The following CCNYL1 variants were observed in gnomAD, a reference collection of about 807,000 sequenced individuals.
CCNYL1 encodes cyclin Y like 1, also known as cyclin-Y-like protein 1.
In CCNYL1, 16 loss-of-function variants were observed where a neutral mutation model predicts 44.2. The observed-to-expected ratio is 0.36, with a 90% confidence interval of 0.25 to 0.55. The LOEUF (loss-of-function observed/expected upper bound fraction) is 0.55. CCNYL1 is among the 20% of genes least tolerant of loss of function. The pLI, the probability that CCNYL1 is intolerant of heterozygous loss-of-function variation, is 0.85. For missense variants in CCNYL1, 348 were observed against 451.8 expected, an observed-to-expected ratio of 0.77 and a Z score of 2.08; for synonymous variants, 159 against 163.2, an observed-to-expected ratio of 0.97 and a Z score of 0.20.
At chr2:207,752,368 C>G (rs549309181) in intron 9 of CCNYL1, among the ~76,000 whole-genome samples, 21 of 151,866 alleles carry the variant, frequency 1.4e-4, no homozygotes, top group African/African-American at 4.8e-4. Flanking sequence ...ACAGAGAAAC[C>G]CGGTCTCTAC....
chr2:207,715,987 A>G (rs551908527), intron 1 of CCNYL1, among the ~76,000 whole-genome samples: 1 of 152,262 alleles, frequency 6.6e-6, no homozygotes, highest in Admixed American at 6.5e-5. Flanking sequence ...CGTCAAGCTA[A>G]GAGATGCTCC....
intron 8 of CCNYL1, among the ~76,000 whole-genome samples, chr2:207,750,361 C>T (rs1012324334): frequency 8.5e-5 from 13 of 152,106 alleles, no homozygotes; most frequent in African/African-American, 2.9e-4. Flanking sequence ...CCTCATGCGC[C>T]GGGACAGGGG....
intron 7 of CCNYL1, among the ~76,000 whole-genome samples, chr2:207,744,560 G>A (rs907320511): frequency 6.7e-6 from 1 of 150,222 alleles, no homozygotes; most frequent in Non-Finnish European, 1.5e-5. Flanking sequence ...AGTAGAGACC[G>A]GGCTTCGCCA....
At chr2:207,750,348 T>C (rs1002358669) in intron 8 of CCNYL1, among the ~76,000 whole-genome samples, 1 of 152,174 alleles carries the variant, frequency 6.6e-6, no homozygotes, top group Non-Finnish European at 1.5e-5. Flanking sequence ...CCCTTTGACA[T>C]AGCCTCATGC....
intron 3 of CCNYL1, among the ~76,000 whole-genome samples, chr2:207,728,013 G>A (rs1415039229): frequency 1.3e-5 from 2 of 150,768 alleles, no homozygotes; most frequent in Non-Finnish European, 2.9e-5. Flanking sequence ...CCCCAGGCTG[G>A]AGTGCAGTGG....
At chr2:207,737,372 A>T in intron 4 of CCNYL1, 39 bp from the exon 5 acceptor site, 1 of 1,492,274 alleles carries the variant, frequency 6.7e-7, no homozygotes. Flanking sequence ...ACAAATGTTT[A>T]AATCAGTTGT....
chr2:207,717,664 T>C (rs2091607292), intron 1 of CCNYL1, among the ~76,000 whole-genome samples: 1 of 152,106 alleles, frequency 6.6e-6, no homozygotes, highest in Admixed American at 6.6e-5. Context: ...GGGAGCCTTG[T>C]GAGGATGGTT....
In CCNYL1 at chr2:207,711,711, C is replaced by T; in HGVS notation, c.-186C>T. On this transcript the variant is annotated 5_prime_UTR_variant, in exon 1 of 10. Transcript: ENST00000295414. ...GTGCGGCCGAGGCCCGAGCCCTGCC[C>T]GGGGCCGGGCCGCGGGGCGGGCGGG... 1 of 184,508 alleles carries T rather than the reference C, an allele frequency of 5.4e-6. No homozygotes were observed. Among genetic ancestry groups the T allele is most frequent in the Non-Finnish European group, 1.1e-5 (1 of 92,580 alleles). 11.4% of individuals were successfully genotyped at this position (184,508 alleles called of 1,614,324 possible).
intron 7 of CCNYL1, among the ~76,000 whole-genome samples, chr2:207,746,650 A>G (rs1402705417): frequency 6.6e-6 from 1 of 152,236 alleles, no homozygotes; most frequent in African/African-American, 2.4e-5. Context: ...TTTCTGGTCA[A>G]AAACAAAAGA....
At position 207,714,197 on chromosome 2, in the gene CCNYL1, A is replaced by G. The variant is rs994593678; in HGVS notation, c.220+2081A>G. The G allele has an allele frequency of 1.7e-5, 6 of 355,072 alleles. No individual in the cohort carries two copies. The Admixed American group carries it at 2.4e-4, about 14-fold the overall frequency. 22.0% of individuals were successfully genotyped at this position (355,072 alleles called of 1,614,324 possible). A position where few individuals can be genotyped will look rare whatever the true frequency, so the allele number is the denominator to read the frequency against. ...GTTCTTAAAAAACTTTTAAAAATCC[A>G]GAATGCATCATGTATTTTACCCATA... On this transcript the variant is annotated intron_variant, in intron 1 of 9. Coordinates refer to ENST00000295414, the MANE Select transcript of CCNYL1 (RefSeq NM_001330218.2).
intron 3 of CCNYL1, among the ~76,000 whole-genome samples, chr2:207,728,697 C>T (rs969236642): frequency 6.6e-6 from 1 of 152,226 alleles, no homozygotes; most frequent in African/African-American, 2.4e-5. Flanking sequence ...TTGTGTGATA[C>T]AGTTCATGTA....
rs1401008652 is a variant in CCNYL1, at chr2:207,717,821, G to A, written c.220+5705G>A. Among the ~76,000 whole-genome samples, 4 of 152,044 alleles carry A rather than the reference G, an allele frequency of 2.6e-5. No individual in the cohort carries two copies. In the South Asian group the frequency reaches 6.2e-4, roughly 24 times the overall value. Reference sequence around the variant, plus strand: ...ACTATGGTGGGTTAAGGCCATGTGTGTATAGTGGGCCTTGGCAAAGAATAT... The same window carrying A: ...ACTATGGTGGGTTAAGGCCATGTGTATATAGTGGGCCTTGGCAAAGAATAT... On this transcript the variant is annotated intron_variant, in intron 1 of 9. Transcript: ENST00000295414.
chr2:207,742,771 G>T (rs1052750329), intron 7 of CCNYL1, among the ~76,000 whole-genome samples: 1 of 152,156 alleles, frequency 6.6e-6, no homozygotes, highest in African/African-American at 2.4e-5. Flanking sequence ...TGGTGATTGA[G>T]AACTATTGCC....
At chr2:207,729,049 G>A (rs1484023108) in intron 3 of CCNYL1, among the ~76,000 whole-genome samples, 4 of 151,870 alleles carry the variant, frequency 2.6e-5, no homozygotes, top group African/African-American at 9.7e-5. Flanking sequence ...TGCCCGCCTC[G>A]GCGTCCCAAA....
At chr2:207,752,943 G>C (rs2091904474) in intron 9 of CCNYL1, among the ~76,000 whole-genome samples, 1 of 151,908 alleles carries the variant, frequency 6.6e-6, no homozygotes, top group Admixed American at 6.6e-5. Context: ...GGAGGCTGAG[G>C]CAGGAGAATC....
chr2:207,725,405 G>T (rs1461110666), intron 2 of CCNYL1, among the ~76,000 whole-genome samples: 1 of 152,192 alleles, frequency 6.6e-6, no homozygotes, highest in Admixed American at 6.5e-5. Flanking sequence ...GATTACAGGC[G>T]TGAGCCATCT....
intron 3 of CCNYL1, among the ~76,000 whole-genome samples, chr2:207,732,850 T>C (rs1231920820): frequency 1.3e-5 from 2 of 152,244 alleles, no homozygotes; most frequent in African/African-American, 4.8e-5. Flanking sequence ...ATTCTGCTAA[T>C]TTGTGTGTAG....
intron 4 of CCNYL1, among the ~76,000 whole-genome samples, chr2:207,737,067 T>C (rs890121499): frequency 2.0e-5 from 3 of 152,092 alleles, no homozygotes; most frequent in Admixed American, 6.6e-5. Flanking sequence ...AGGCGCCTGC[T>C]ACCACGCCCG....
At chr2:207,726,735 A>G in intron 2 of CCNYL1, 107 bp from the exon 3 acceptor site, 1 of 689,486 alleles carries the variant, frequency 1.5e-6, no homozygotes, top group Non-Finnish European at 2.4e-6. Flanking sequence ...TTATTTTTTA[A>G]ATGGAATTTT....
Sources: gnomAD v4.1 joint callset for allele counts (sites outside exome capture counted in the v4.1 genomes callset) on GRCh38, gnomAD v4.1.1 for gene constraint, MANE v1.5 for transcripts, NCBI Gene and HGNC (gene_info 2026-07-23, HGNC 2026-07-21) for gene names.